The following IKZF2 variants were observed in gnomAD, a reference collection of about 807,000 sequenced individuals.
The protein encoded by IKZF2 is zinc finger protein Helios.
IKZF2 carries 15 observed loss-of-function variants against 49.2 expected under a neutral mutation model. That is an observed-to-expected ratio of 0.30 (90% confidence interval 0.20 to 0.47). IKZF2 has a LOEUF of 0.47. Among genes scored for constraint, IKZF2 ranks in the 20% least tolerant of loss-of-function variants. The pLI, the probability that IKZF2 is intolerant of heterozygous loss-of-function variation, is 1.00. For missense variants in IKZF2, 567 were observed against 664.6 expected, an observed-to-expected ratio of 0.85 and a Z score of 1.61; for synonymous variants, 227 against 221.4, an observed-to-expected ratio of 1.03 and a Z score of -0.23.
chr2:213,121,528 C>T (rs949137932), intron 4 of IKZF2, among the ~76,000 whole-genome samples: 3 of 152,092 alleles, frequency 2.0e-5, no homozygotes, highest in Non-Finnish European at 2.9e-5. Context: ...GTATGATATT[C>T]CTGGAATTCT....
chr2:213,147,809 T>C lies in IKZF2; in HGVS notation c.38A>G (p.Asp13Gly). The change falls in exon 4 of 9, where the codon GAC becomes GGC. Residue 13 changes from aspartate to glycine, a missense_variant. This residue lies in a region of IKZF2 where 156 missense variants were observed against 138.5 expected (regional missense o/e 1.13). Coordinates refer to ENST00000434687, the MANE Select transcript of IKZF2 (RefSeq NM_001387220.1). ...CTCCCTTTCGGGTGAAAGCTCATTG[T>C]CACCTGCTTTCACAAAATATAATCT... Reference protein sequence around the residue: ...TEAIDGYITCDNELSPEREHS... With the variant: ...TEAIDGYITCGNELSPEREHS... 6.2e-7 allele frequency: 1 copy of C among 1,602,396 alleles called. No homozygotes were observed. The highest frequency in any genetic ancestry group is 2.2e-5 in the East Asian group (1 of 44,846).
intron 4 of IKZF2, among the ~76,000 whole-genome samples, chr2:213,121,630 G>A (rs1020416100): frequency 6.6e-6 from 1 of 152,048 alleles, no homozygotes; most frequent in Non-Finnish European, 1.5e-5. Context: ...TACAACTTGT[G>A]GAATACTGGT....
chr2:213,129,473 A>G (rs1386214944), intron 4 of IKZF2, among the ~76,000 whole-genome samples: 3 of 151,632 alleles, frequency 2.0e-5, no homozygotes, highest in Admixed American at 6.6e-5. Flanking sequence ...CGAACTTGCC[A>G]TGTCCCGGAA....
chr2:213,150,120 G>A (rs2061230614), intron 2 of IKZF2, 24 bp downstream of exon 2: 2 of 1,254,602 alleles, frequency 1.6e-6, no homozygotes, highest in South Asian at 2.5e-5. Flanking sequence ...AGAAAAAGGA[G>A]AAAGAGAAAC....
Position 213,147,755 on chromosome 2 carries a change from G to C in IKZF2, c.92C>G (p.Ser31Ter). The change falls in exon 4 of 9, where the codon TCA becomes TGA. Residue 31 changes from serine to a stop codon, truncating the protein, a stop_gained. Transcript: ENST00000434687. LOFTEE classifies it high-confidence loss of function. ...EHSNMAIDLT[S>*]STPNGQHASP... ...GGCATGCTGTCCATTGGGTGTGCTT[G>C]AGGTGAGGTCAATTGCCATATTGGA... 6.2e-7 allele frequency: 1 copy of C among 1,614,054 alleles called. No homozygotes were observed. Among genetic ancestry groups the C allele is most frequent in the Non-Finnish European group, 8.5e-7 (1 of 1,179,916 alleles).
intron 6 of IKZF2, among the ~76,000 whole-genome samples, chr2:213,033,239 T>C (rs1698660861): frequency 6.6e-6 from 1 of 152,220 alleles, no homozygotes; most frequent in South Asian, 2.1e-4. Flanking sequence ...TTCTATCACA[T>C]CTGCAGTTCC....
At chr2:213,053,686 C>T (rs975620703) in intron 5 of IKZF2, among the ~76,000 whole-genome samples, 1 of 152,114 alleles carries the variant, frequency 6.6e-6, no homozygotes, top group Non-Finnish European at 1.5e-5. Flanking sequence ...AATGTCCAAT[C>T]GATATGTGTT....
chr2:213,115,352 T>C (rs1278069127), intron 4 of IKZF2, among the ~76,000 whole-genome samples: 1 of 152,216 alleles, frequency 6.6e-6, no homozygotes, highest in African/African-American at 2.4e-5. Flanking sequence ...AAATATGCTA[T>C]ACTATTAAAT....
intron 5 of IKZF2, among the ~76,000 whole-genome samples, chr2:213,056,373 G>A (rs1368924605): frequency 6.6e-6 from 1 of 152,118 alleles, no homozygotes; most frequent in Non-Finnish European, 1.5e-5. Context: ...GGTAGGATAG[G>A]CAGAGATCAA....
At chr2:213,049,531 T>C (rs1700487442) in intron 6 of IKZF2, among the ~76,000 whole-genome samples, 182 bp downstream of exon 6, 2 of 152,144 alleles carry the variant, frequency 1.3e-5, no homozygotes, top group African/African-American at 4.8e-5. Flanking sequence ...TGCCAAGCCG[T>C]AAAGTCTAAA....
chr2:213,002,628 C>T lies in IKZF2; in HGVS notation c.*4732G>A, dbSNP rs2124951988. 6.6e-6 allele frequency: 1 copy of T among 151,914 alleles called. No homozygotes were observed. Among genetic ancestry groups the T allele is most frequent in the Admixed American group, 6.6e-5 (1 of 15,192 alleles). The allele number at this position is 151,914 out of a possible 1,614,324, so 9.4% of individuals were successfully genotyped here. A position where few individuals can be genotyped will look rare whatever the true frequency, so the allele number is the denominator to read the frequency against. On this transcript the variant is annotated 3_prime_UTR_variant, in exon 9 of 9. Coordinates refer to ENST00000434687, the MANE Select transcript of IKZF2 (RefSeq NM_001387220.1). ...AGTAATACACAACCATGATATGAAA[C>T]CATTTGAGATTATGCTTTGGAGAAT...
intron 6 of IKZF2, among the ~76,000 whole-genome samples, chr2:213,022,388 T>G (rs1190647060): frequency 2.0e-5 from 3 of 152,168 alleles, no homozygotes; most frequent in African/African-American, 7.2e-5. Flanking sequence ...TTCTAGACCT[T>G]GAGGGCCTGG....
At position 213,008,088 on chromosome 2, in the gene IKZF2, G is replaced by C. The variant is rs772683104; in HGVS notation, c.857-4C>G. ...CTGAATCGCATGAGCTTTTCCCCTG[G>C]AAGGGAGTGGGAGGTGAAAGAAGTA... On this transcript the variant is annotated splice_polypyrimidine_tract_variant and splice_region_variant and intron_variant, in intron 8 of 8. Transcript: ENST00000434687. 119 of 1,584,816 alleles carry C rather than the reference G, an allele frequency of 7.5e-5. 1 individual carries two copies. The Admixed American group carries it at 2.0e-3, about 27-fold the overall frequency.
upstream of IKZF2, chr2:213,152,183 A>C (rs1351774702): frequency 6.6e-6 from 1 of 152,096 alleles, no homozygotes; most frequent in Non-Finnish European, 1.5e-5. Flanking sequence ...GGCCGCGTGA[A>C]GTTTTCTTTC....
rs753031929 is a variant in IKZF2, at chr2:213,049,761, C to A, written c.526G>T (p.Ala176Ser). Residue 176 changes from alanine (A) to serine (S), a missense_variant, in exon 6 of 9, where the codon GCC becomes TCC. By Grantham distance (99) the Ala-to-Ser change is moderately conservative. This residue lies in a region of IKZF2 where 54 missense variants were observed against 119.9 expected (regional missense o/e 0.45). Transcript: ENST00000434687. Reference protein sequence around the residue: ...KPFKCPFCSYACRRRDALTGH... With the variant: ...KPFKCPFCSYSCRRRDALTGH... ...GTGAGGGCGTCCCTTCTTCTACAGG[C>A]GTAGCTACAGAAAGGACATTTGAAC... 1 of 1,610,136 alleles carries A rather than the reference C, an allele frequency of 6.2e-7. No homozygotes were observed. Among genetic ancestry groups the A allele is most frequent in the African/African-American group, 1.3e-5 (1 of 74,902 alleles).
intron 4 of IKZF2, among the ~76,000 whole-genome samples, chr2:213,117,668 A>T (rs951506071): frequency 1.3e-5 from 2 of 152,226 alleles, no homozygotes; most frequent in African/African-American, 4.8e-5. Flanking sequence ...ATTTATTGCC[A>T]CTTGCACCAG....
intron 4 of IKZF2, among the ~76,000 whole-genome samples, chr2:213,089,143 G>A (rs1705007148): frequency 6.6e-6 from 1 of 152,154 alleles, no homozygotes; most frequent in Non-Finnish European, 1.5e-5. Context: ...AAGTCAGTAA[G>A]TGACATCACT....
At chr2:213,027,133 G>A (rs575007795) in intron 6 of IKZF2, among the ~76,000 whole-genome samples, 2 of 152,018 alleles carry the variant, frequency 1.3e-5, no homozygotes, top group East Asian at 1.9e-4. Context: ...AATAATATGT[G>A]GGTTATTTTT....
intron 4 of IKZF2, among the ~76,000 whole-genome samples, chr2:213,059,394 C>G (rs1178733002): frequency 6.6e-6 from 1 of 151,604 alleles, no homozygotes; most frequent in Non-Finnish European, 1.5e-5. Context: ...GATTCTATAT[C>G]TTGCATCAAC....
Sources: allele counts gnomAD v4.1 joint callset (sites outside exome capture counted in the v4.1 genomes callset), GRCh38; gene constraint gnomAD v4.1.1; regional missense constraint gnomAD v4.1.1; transcripts MANE v1.5; gene names NCBI Gene and HGNC (gene_info 2026-07-23, HGNC 2026-07-21).